PARD6G: variants seen among roughly 807,000 people sequenced by gnomAD.
PARD6G encodes the protein partitioning defective 6 homolog gamma.
A neutral mutation model predicts 10.7 loss-of-function variants in PARD6G; 7 were observed. The observed-to-expected ratio is 0.66, with a 90% CI of 0.37 to 1.23. PARD6G has a LOEUF of 1.23. Among genes scored for constraint, PARD6G ranks in the 50% most tolerant of loss-of-function variants. The pLI, the probability that PARD6G is intolerant of heterozygous loss-of-function variation, is 0.02. For synonymous variants in PARD6G, 287 were observed against 269.4 expected, an observed-to-expected ratio of 1.07 and a Z score of -0.64; for missense variants, 548 against 571.8, an observed-to-expected ratio of 0.96 and a Z score of 0.42.
rs758939846 is a variant in PARD6G at position 80,231,829 on chromosome 18, C to T, written c.72+15448G>A. Among the ~76,000 whole-genome samples the T allele has an allele frequency of 2.0e-5, 3 of 152,112 alleles. No individual in the cohort carries two copies. The highest frequency in any genetic ancestry group is 4.4e-5 in the Non-Finnish European group (3 of 68,022). On this transcript the variant is annotated intron_variant, in intron 1 of 2. Transcript: ENST00000353265. The surrounding 1 kb of genome is among the most constrained non-coding windows in gnomAD (Gnocchi z 4.2). Reference sequence around the variant, plus strand: ...CACAGGCATCCACAGGGATGGCTGCCGAGCCCTTCTCAAAAACCCAAAGTT... The same window carrying T: ...CACAGGCATCCACAGGGATGGCTGCTGAGCCCTTCTCAAAAACCCAAAGTT...
intron 1 of PARD6G, among the ~76,000 whole-genome samples, chr18:80,230,906 C>T (rs1009254223): frequency 2.6e-4 from 39 of 152,286 alleles, no homozygotes; most frequent in African/African-American, 8.9e-4. Context: ...ACTTTACAAA[C>T]CAGGAGACTG....
At chr18:80,237,893 T>C (rs35715193) in intron 1 of PARD6G, among the ~76,000 whole-genome samples, 28,997 of 151,900 alleles carry the variant, frequency 0.19, 3,761 homozygotes, top group African/African-American at 0.37. Context: ...TTTTACACTG[T>C]TGGTGGGACT....
At chr18:80,242,503 C>T (rs1345806313) in intron 1 of PARD6G, among the ~76,000 whole-genome samples, 2 of 152,216 alleles carry the variant, frequency 1.3e-5, no homozygotes, top group Non-Finnish European at 2.9e-5. Context: ...TAACACAAAA[C>T]ACTGCACACC....
At chr18:80,224,832 G>T (rs1008714444) in intron 1 of PARD6G, among the ~76,000 whole-genome samples, 1 of 149,544 alleles carries the variant, frequency 6.7e-6, no homozygotes, top group East Asian at 2.1e-4. Context: ...GGTCGACAGA[G>T]TGAGACTCCG....
chr18:80,238,242 C>CA (rs1379896326), intron 1 of PARD6G, among the ~76,000 whole-genome samples: 1 of 151,822 alleles, frequency 6.6e-6, no homozygotes, highest in Non-Finnish European at 1.5e-5. Flanking sequence ...ATCGAAAGGA[C>CA]AAAAAACCAA....
At chr18:80,221,141 G>C (rs529229647) in intron 1 of PARD6G, among the ~76,000 whole-genome samples, 3 of 152,166 alleles carry the variant, frequency 2.0e-5, no homozygotes, top group African/African-American at 7.2e-5. Context: ...CTTATACAAA[G>C]TGTTCACAAA....
chr18:80,206,127 T>C (rs550149685), intron 1 of PARD6G, among the ~76,000 whole-genome samples: 1 of 152,318 alleles, frequency 6.6e-6, no homozygotes, highest in South Asian at 2.1e-4. Context: ...TGTCTTAGCA[T>C]GTTAACTTGA....
intron 2 of PARD6G, among the ~76,000 whole-genome samples, chr18:80,168,519 G>A (rs1568426685): frequency 6.6e-6 from 1 of 151,344 alleles, no homozygotes; most frequent in Non-Finnish European, 1.5e-5. Flanking sequence ...ACATTTTTTA[G>A]GCAACTGTCT....
At chr18:80,166,232 C>A (rs545552520) in intron 2 of PARD6G, among the ~76,000 whole-genome samples, 4 of 151,456 alleles carry the variant, frequency 2.6e-5, no homozygotes, top group Middle Eastern at 3.4e-3. Flanking sequence ...TCATGGACAC[C>A]GTATGGTCAG....
At chr18:80,236,485 T>C (rs1967424314) in intron 1 of PARD6G, among the ~76,000 whole-genome samples, 2 of 152,134 alleles carry the variant, frequency 1.3e-5, no homozygotes, top group African/African-American at 4.8e-5. Flanking sequence ...CAACATAGTG[T>C]TGGAAGTTCT....
intron 1 of PARD6G, among the ~76,000 whole-genome samples, chr18:80,244,144 G>A (rs936833230): frequency 2.0e-5 from 3 of 152,108 alleles, no homozygotes; most frequent in African/African-American, 7.2e-5. Flanking sequence ...GCATTCTAAG[G>A]TGGCCAAGGA....
intron 1 of PARD6G, among the ~76,000 whole-genome samples, chr18:80,238,859 G>A (rs918458948): frequency 1.1e-4 from 16 of 151,948 alleles, no homozygotes; most frequent in African/African-American, 3.9e-4. Flanking sequence ...ACAGAATCGG[G>A]GGGCGGGCGG....
chr18:80,220,230 G>A (rs530683825), intron 1 of PARD6G, among the ~76,000 whole-genome samples: 5 of 152,242 alleles, frequency 3.3e-5, no homozygotes, highest in Non-Finnish European at 4.4e-5. Context: ...ATCAGCTCGT[G>A]TGAGAACTCA....
chr18:80,186,227 C>A (rs2052876284), intron 2 of PARD6G, among the ~76,000 whole-genome samples: 1 of 149,976 alleles, frequency 6.7e-6, no homozygotes, highest in African/African-American at 2.5e-5. Context: ...TGCTTGCACA[C>A]CCTCACGCAT....
Position 80,247,029 on chromosome 18 carries a change from G to A in PARD6G, c.72+248C>T, listed in dbSNP as rs1324089426. Among the ~76,000 whole-genome samples the A allele has an allele frequency of 3.3e-5, 5 of 152,136 alleles. No homozygotes were observed. The highest frequency in any genetic ancestry group is 1.2e-4 in the African/African-American group (5 of 41,438). On this transcript the variant is annotated intron_variant, in intron 1 of 2. Coordinates refer to ENST00000353265, the MANE Select transcript of PARD6G (RefSeq NM_032510.4). The surrounding 1 kb of genome is among the most constrained non-coding windows in gnomAD (Gnocchi z 4.2). Reference sequence around the variant, plus strand: ...CTCCCGCGGAGCGGGTCCAGAGTCTGCCCGGACTGTCCGATGGCCCTCGGC... The same window carrying A: ...CTCCCGCGGAGCGGGTCCAGAGTCTACCCGGACTGTCCGATGGCCCTCGGC...
At chr18:80,216,430 C>A (rs1029135727) in intron 1 of PARD6G, among the ~76,000 whole-genome samples, 1 of 151,800 alleles carries the variant, frequency 6.6e-6, no homozygotes, top group Non-Finnish European at 1.5e-5. Context: ...TGTCTTCCAA[C>A]CACAAGAAAA....
chr18:80,232,397 G>A (rs1477879255), intron 1 of PARD6G, among the ~76,000 whole-genome samples: 2 of 152,174 alleles, frequency 1.3e-5, no homozygotes, highest in Non-Finnish European at 2.9e-5. Context: ...ACATACCCGA[G>A]ACTGGGAAGT....
intron 1 of PARD6G, among the ~76,000 whole-genome samples, chr18:80,220,160 A>C (rs1967214027): frequency 6.6e-6 from 1 of 152,198 alleles, no homozygotes; most frequent in Non-Finnish European, 1.5e-5. Flanking sequence ...GTCCTTCCTC[A>C]CATGGCAGCA....
intron 1 of PARD6G, among the ~76,000 whole-genome samples, chr18:80,203,452 C>T (rs1318360551): frequency 2.0e-5 from 3 of 152,098 alleles, no homozygotes; most frequent in African/African-American, 4.8e-5. Context: ...AGACCCAGGA[C>T]GGCCCTCTCG....
Sources: allele counts gnomAD v4.1 joint callset (sites outside exome capture counted in the v4.1 genomes callset), GRCh38; gene constraint gnomAD v4.1.1; non-coding constraint Gnocchi (gnomAD v3.1); transcripts MANE v1.5; gene names NCBI Gene and HGNC (gene_info 2026-07-23, HGNC 2026-07-21).